The following MDH1 variants were observed in gnomAD, a reference collection of about 807,000 sequenced individuals.
The protein encoded by MDH1 is malate dehydrogenase, cytoplasmic.
In MDH1, 15 loss-of-function variants were observed where a neutral mutation model predicts 38.7. That is an observed-to-expected ratio of 0.39 (90% CI 0.26 to 0.60). The LOEUF is 0.60. MDH1 is among the 20% of genes least tolerant of loss of function. MDH1 has a pLI of 0.56. For missense variants in MDH1, 368 were observed against 405.2 expected (o/e 0.91, Z 0.79); for synonymous variants, 144 against 143.6 (o/e 1.00, Z -0.02).
intron 5 of MDH1, among the ~76,000 whole-genome samples, chr2:63,603,211 C>A (rs1163956025): frequency 6.6e-6 from 1 of 152,160 alleles, no homozygotes; most frequent in East Asian, 1.9e-4. Flanking sequence ...CCACCTCGGC[C>A]TCCCAAAGTG....
At chr2:63,589,260 G>C (rs552452311) in intron 1 of MDH1, 1 of 1,551,870 alleles carries the variant, frequency 6.4e-7, no homozygotes, top group East Asian at 2.4e-5. Context: ...GCTCTTAGGA[G>C]GACTCTGGAG....
At chr2:63,590,731 G>A (rs1709181292) in intron 1 of MDH1, 1 of 152,214 alleles carries the variant, frequency 6.6e-6, no homozygotes, top group African/African-American at 2.4e-5. Flanking sequence ...CCGTTGGAAG[G>A]TCACTGGGGT....
At position 63,604,797 on chromosome 2, in the gene MDH1, G is replaced by A. The variant is rs1410052096; in HGVS notation, c.600G>A (p.Val200=). 3 of 1,614,172 alleles carry A rather than the reference G, an allele frequency of 1.9e-6. No homozygotes were observed. Among genetic ancestry groups the A allele is most frequent in the Non-Finnish European group, 2.5e-6 (3 of 1,180,016 alleles). ...TQYPDVNHAK[V]KLQGKEVGVY... Reference sequence around the variant, plus strand: ...ATCCAGATGTCAACCATGCCAAGGTGAAATTGCAAGGAAAGGAAGTTGGTG... The same window carrying A: ...ATCCAGATGTCAACCATGCCAAGGTAAAATTGCAAGGAAAGGAAGTTGGTG... The change falls in exon 6 of 9, where the codon GTG becomes GTA. Residue 200 remains valine (V), a synonymous_variant. Transcript: ENST00000233114.
chr2:63,593,983 G>A (rs74339869), intron 1 of MDH1, among the ~76,000 whole-genome samples: 4,979 of 152,148 alleles, frequency 0.033, 140 homozygotes, highest in Non-Finnish European at 0.048. Context: ...TGTTTCTCCC[G>A]AAATAAAAAA....
In MDH1 at chr2:63,588,970, T is replaced by A. The variant is rs1263545171; in HGVS notation, c.-74T>A. ...ACACCGCTCGCCCTCTCCGAGTCAG[T>A]TCCGCGGTAGAGGTGACCTGACTCT... On this transcript the variant is annotated 5_prime_UTR_variant, in exon 1 of 9. Transcript: ENST00000233114. 2.5e-6 allele frequency: 4 copies of A among 1,606,680 alleles called. No individual in the cohort carries two copies. The highest frequency in any genetic ancestry group is 3.4e-6 in the Non-Finnish European group (4 of 1,173,448).
chr2:63,603,580 A>T (rs1040612114), intron 5 of MDH1, among the ~76,000 whole-genome samples: 1 of 152,026 alleles, frequency 6.6e-6, no homozygotes, highest in African/African-American at 2.4e-5. Context: ...ACCTGATCAT[A>T]ATTTATTTTC....
At chr2:63,592,804 GTGT>G (rs1485352171) in intron 1 of MDH1, among the ~76,000 whole-genome samples, 6 of 152,094 alleles carry the variant, frequency 3.9e-5, no homozygotes, top group African/African-American at 1.4e-4. Flanking sequence ...TACAGGACAG[GTGT>G]TGTTCTAGGC....
chr2:63,606,197 C>T (rs1209264581), intron 8 of MDH1, among the ~76,000 whole-genome samples, 169 bp downstream of exon 8: 1 of 152,140 alleles, frequency 6.6e-6, no homozygotes, highest in African/African-American at 2.4e-5. Context: ...GCCGGGGCAA[C>T]ATAGTGAGAC....
At chr2:63,598,054 CTCTT>C (rs1333635665) in intron 4 of MDH1, 3 of 152,174 alleles carry the variant, frequency 2.0e-5, no homozygotes, top group East Asian at 1.9e-4. Context: ...TTATAGTTCT[CTCTT>C]TGTGTTCAAA....
At chr2:63,602,934 CTTTTTTTTTTT>C (rs370479356) in intron 5 of MDH1, among the ~76,000 whole-genome samples, 4 of 131,596 alleles carry the variant, frequency 3.0e-5, no homozygotes, top group Non-Finnish European at 6.7e-5. Context: ...TTTAACCGTT[CTTTTTTTTTTT>C]TTTTTTTTTT....
Position 63,599,301 on chromosome 2 carries a change from AAT to A in MDH1, c.498+14_498+15del. The A allele has an allele frequency of 6.2e-7, 1 of 1,607,118 alleles. No homozygotes were observed. The highest frequency in any genetic ancestry group is 8.5e-7 in the Non-Finnish European group (1 of 1,176,596). ...ACCGAGCTAAAGCTCAAGTAAGAAA[AAT>A]ATATTTTAAATCTTGTGGTTGTTCA... On this transcript the variant is annotated intron_variant, in intron 5 of 8. Coordinates refer to ENST00000233114, the MANE Select transcript of MDH1 (RefSeq NM_005917.4).
rs1484378631 is a variant in MDH1 at position 63,597,418 on chromosome 2, A to G, written c.219A>G (p.Lys73=). The change falls in exon 4 of 9, where the codon AAA becomes AAG. Residue 73 remains lysine (K), a synonymous_variant. Transcript: ENST00000233114. The part of the protein sequence containing the change: ...PLLKDVIATD[K]EDVAFKDLDV... ...CCACAGATGTCATCGCAACAGATAA[A>G]GAAGACGTTGCCTTCAAAGACCTGG... 6 of 1,443,234 alleles carry G rather than the reference A, an allele frequency of 4.2e-6. No homozygotes were observed. The South Asian group carries it at 9.3e-5, about 22-fold the overall frequency. 89.4% of individuals were successfully genotyped at this position (1,443,234 alleles called of 1,614,324 possible).
chr2:63,606,540 A>G (rs1050227214), intron 8 of MDH1, among the ~76,000 whole-genome samples: 4 of 152,218 alleles, frequency 2.6e-5, no homozygotes, highest in Non-Finnish European at 4.4e-5. Flanking sequence ...CCCACTAGAC[A>G]CTATGTTATT....
chr2:63,598,573 T>G (rs1709361073), intron 4 of MDH1, among the ~76,000 whole-genome samples: 1 of 152,224 alleles, frequency 6.6e-6, no homozygotes, highest in Non-Finnish European at 1.5e-5. Context: ...TAAGATTTTT[T>G]AAGTTGCCCA....
chr2:63,590,892 A>C (rs1486102764), intron 1 of MDH1: 1 of 152,258 alleles, frequency 6.6e-6, no homozygotes, highest in Admixed American at 6.5e-5. Flanking sequence ...CTGTAAGCTC[A>C]TTCAAAGCGG....
chr2:63,605,831 T>C (rs1709516617), intron 7 of MDH1, 108 bp from the exon 8 acceptor site: 7 of 873,996 alleles, frequency 8.0e-6, no homozygotes, highest in Non-Finnish European at 1.4e-5. Context: ...TACACAGTAA[T>C]GATGTTATGA....
In MDH1 at chr2:63,597,406, C is replaced by T. The variant is rs757193369; in HGVS notation, c.207C>T (p.Ile69=). The T allele has an allele frequency of 3.5e-6, 5 of 1,427,102 alleles. No homozygotes were observed. The highest frequency in any genetic ancestry group is 1.5e-5 in the African/African-American group (1 of 68,244). The allele number at this position is 1,427,102 out of a possible 1,614,324, so 88.4% of individuals were successfully genotyped here. The part of the protein sequence containing the change: ...DCALPLLKDV[I]ATDKEDVAFK... ...TTATTGCCATGTCCACAGATGTCAT[C>T]GCAACAGATAAAGAAGACGTTGCCT... The change falls in exon 4 of 9, where the codon ATC becomes ATT. Residue 69 remains isoleucine, a synonymous_variant. Transcript: ENST00000233114.
chr2:63,597,074 G>A (rs1327294762), intron 3 of MDH1, among the ~76,000 whole-genome samples: 1 of 152,194 alleles, frequency 6.6e-6, no homozygotes. Flanking sequence ...TTTGTGTTGT[G>A]TGGTAATTAG....
At chr2:63,603,677 TGA>T (rs1709473399) in intron 5 of MDH1, among the ~76,000 whole-genome samples, 1 of 120,954 alleles carries the variant, frequency 8.3e-6, no homozygotes, top group Non-Finnish European at 1.7e-5. Flanking sequence ...TTTTTTTTTT[TGA>T]GACAGTCTCG....
Sources: allele counts gnomAD v4.1 joint callset (sites outside exome capture counted in the v4.1 genomes callset), GRCh38; gene constraint gnomAD v4.1.1; transcripts MANE v1.5; gene names NCBI Gene and HGNC (gene_info 2026-07-23, HGNC 2026-07-21).